Variants in MARK1 observed in about 807,000 individuals in gnomAD.
MARK1 encodes serine/threonine-protein kinase MARK1.
In MARK1, 40 loss-of-function variants were observed where a neutral mutation model predicts 96.3. The ratio of observed to expected loss-of-function variants is 0.42; its 90% CI spans 0.32 to 0.54. MARK1 has a LOEUF of 0.54. Among genes scored for constraint, MARK1 ranks in the 20% least tolerant of loss-of-function variants. MARK1 has a pLI of 0.16. For missense variants in MARK1, 719 were observed against 984.6 expected (o/e 0.73, Z 3.61); for synonymous variants, 317 against 341.2 (o/e 0.93, Z 0.78).
At chr1:220,605,720 T>G (rs1666034261) in intron 6 of MARK1, among the ~76,000 whole-genome samples, 1 of 147,164 alleles carries the variant, frequency 6.8e-6, no homozygotes. Flanking sequence ...TGTGTCCAAG[T>G]GATCTCATTG....
intron 1 of MARK1, 83 bp downstream of exon 1, chr1:220,528,956 CCGTGCCTCGG>C: frequency 7.1e-7 from 1 of 1,406,070 alleles, no homozygotes; most frequent in Non-Finnish European, 9.5e-7. Flanking sequence ...GGGCCGTCCC[CCGTGCCTCGG>C]CGCGGCCACC....
At chr1:220,655,809 A>G (rs530536181) in intron 16 of MARK1, among the ~76,000 whole-genome samples, 263 of 152,244 alleles carry the variant, frequency 1.7e-3, no homozygotes, top group Non-Finnish European at 3.1e-3. Flanking sequence ...TCAGAATACA[A>G]TTCTGTGCCC....
intron 16 of MARK1, 77 bp downstream of exon 16, chr1:220,653,429 A>T: frequency 7.0e-7 from 1 of 1,426,392 alleles, no homozygotes; most frequent in South Asian, 1.4e-5. Flanking sequence ...AAAAATCTTT[A>T]TAATAATTTT....
intron 3 of MARK1, among the ~76,000 whole-genome samples, chr1:220,584,296 T>C (rs1664446728): frequency 6.6e-6 from 1 of 152,204 alleles, no homozygotes; most frequent in Admixed American, 6.6e-5. Context: ...ATTTCCTAAG[T>C]AGTAAAATCT....
intron 3 of MARK1, among the ~76,000 whole-genome samples, chr1:220,582,490 C>G (rs1159793164): frequency 2.6e-5 from 4 of 152,168 alleles, no homozygotes; most frequent in Non-Finnish European, 5.9e-5. Context: ...TTAAAATGCA[C>G]AAACTGGGTA....
chr1:220,637,964 TA>T (rs1178549441), intron 13 of MARK1, among the ~76,000 whole-genome samples: 1 of 152,180 alleles, frequency 6.6e-6, no homozygotes, highest in Non-Finnish European at 1.5e-5. Flanking sequence ...TGAATATGGT[TA>T]TGTATATTTG....
chr1:220,532,788 T>C (rs1660403560), intron 1 of MARK1, among the ~76,000 whole-genome samples: 2 of 152,126 alleles, frequency 1.3e-5, no homozygotes, highest in Non-Finnish European at 2.9e-5. Flanking sequence ...GGAGGATTGC[T>C]TGAATCCAGG....
At chr1:220,613,839 G>C (rs1437259062) in intron 6 of MARK1, among the ~76,000 whole-genome samples, 1 of 152,070 alleles carries the variant, frequency 6.6e-6, no homozygotes, top group African/African-American at 2.4e-5. Flanking sequence ...AACATCTAGT[G>C]GTTCTGCAGT....
intron 1 of MARK1, among the ~76,000 whole-genome samples, chr1:220,555,513 G>A (rs147771105): frequency 5.3e-5 from 8 of 152,232 alleles, no homozygotes; most frequent in East Asian, 1.9e-4. Flanking sequence ...GATTCGTGAC[G>A]TGTTTTGGAG....
intron 9 of MARK1, chr1:220,627,351 A>G: frequency 2.0e-6 from 1 of 494,110 alleles, no homozygotes; most frequent in South Asian, 1.5e-5. Flanking sequence ...GGAAAAGAGA[A>G]AGACCTAGAT....
At chr1:220,600,482 A>G (rs1383284467) in intron 5 of MARK1, among the ~76,000 whole-genome samples, 1 of 152,236 alleles carries the variant, frequency 6.6e-6, no homozygotes, top group Non-Finnish European at 1.5e-5. Flanking sequence ...AAACACTGAT[A>G]TGTGATAGAA....
chr1:220,604,570 C>A (rs1181996959), intron 6 of MARK1, among the ~76,000 whole-genome samples: 1 of 151,742 alleles, frequency 6.6e-6, no homozygotes, highest in Non-Finnish European at 1.5e-5. Flanking sequence ...TGTTTAAACT[C>A]ATTTTTGTAG....
At chr1:220,530,991 T>TA (rs1352005582) in intron 1 of MARK1, among the ~76,000 whole-genome samples, 3 of 152,204 alleles carry the variant, frequency 2.0e-5, no homozygotes, top group African/African-American at 7.2e-5. Flanking sequence ...GTGTTTAAGA[T>TA]AAAGTCTCTC....
chr1:220,551,177 G>A (rs1661827637), intron 1 of MARK1, among the ~76,000 whole-genome samples: 1 of 152,228 alleles, frequency 6.6e-6, no homozygotes, highest in African/African-American at 2.4e-5. Flanking sequence ...AGAATTCAGA[G>A]CAGCTGAAGC....
At position 220,579,859 on chromosome 1, in the gene MARK1, G is replaced by T. The variant is rs141465200; in HGVS notation, c.255+302G>T. 7.3e-4 allele frequency among the ~76,000 whole-genome samples: 111 copies of T among 152,224 alleles called. No homozygotes were observed. In the East Asian group the frequency reaches 0.02, roughly 28 times the overall value. Reference sequence around the variant, plus strand: ...GTGAACATTTCTGATTGCCATTGCTGCCCAGCCCTCAGGAACAAAAGTTCT... The same window carrying T: ...GTGAACATTTCTGATTGCCATTGCTTCCCAGCCCTCAGGAACAAAAGTTCT... On this transcript the variant is annotated intron_variant, in intron 2 of 17. Transcript: ENST00000366917.
rs1484188607 is a variant in MARK1, at chr1:220,623,146, A to G, written c.909+4391A>G. On this transcript the variant is annotated intron_variant, in intron 9 of 17. Coordinates refer to ENST00000366917, the MANE Select transcript of MARK1 (RefSeq NM_018650.5). ...TTCAGCTAGTTTCTATGTCTAGTGC[A>G]GTTGGTTGGCCTAGTTCTTTATACC... is the stretch of plus-strand genomic sequence containing the variant. Among the ~76,000 whole-genome samples the G allele has an allele frequency of 3.9e-5, 6 of 152,248 alleles. No homozygotes were observed. The East Asian group carries it at 7.7e-4, about 20-fold the overall frequency.
chr1:220,554,287 A>G (rs144358954), intron 1 of MARK1, among the ~76,000 whole-genome samples: 1 of 152,120 alleles, frequency 6.6e-6, no homozygotes, highest in African/African-American at 2.4e-5. Context: ...GTGATTTCCT[A>G]TAGAAGGAAA....
intron 1 of MARK1, among the ~76,000 whole-genome samples, chr1:220,553,943 T>C (rs1662058370): frequency 6.6e-6 from 1 of 152,206 alleles, no homozygotes; most frequent in Admixed American, 6.5e-5. Context: ...AGACCTCTGA[T>C]GTTCTGGCGT....
At chr1:220,540,656 G>A (rs1016990224) in intron 1 of MARK1, among the ~76,000 whole-genome samples, 3 of 152,074 alleles carry the variant, frequency 2.0e-5, no homozygotes, top group Admixed American at 6.5e-5. Flanking sequence ...ATCTTATATC[G>A]TTTTTATTTC....
Sources: allele counts gnomAD v4.1 joint callset (sites outside exome capture counted in the v4.1 genomes callset), GRCh38; gene constraint gnomAD v4.1.1; transcripts MANE v1.5; gene names NCBI Gene and HGNC (gene_info 2026-07-23, HGNC 2026-07-21).